Variants in KIT observed in about 807,000 individuals in gnomAD.
The protein encoded by KIT is KIT proto-oncogene, receptor tyrosine kinase, also known as mast/stem cell growth factor receptor Kit.
Under a neutral mutation model 105.7 loss-of-function variants are expected in KIT, and 16 were observed. That is an observed-to-expected ratio of 0.15 (90% CI 0.10 to 0.23). KIT has a LOEUF of 0.23. KIT is among the 10% of genes least tolerant of loss of function. The pLI is 1.00. For synonymous variants in KIT, 438 were observed against 441.1 expected, an observed-to-expected ratio of 0.99 and a Z score of 0.09; for missense variants, 858 against 1,213.8, an observed-to-expected ratio of 0.71 and a Z score of 4.36.
intron 1 of KIT, among the ~76,000 whole-genome samples, chr4:54,678,349 C>A (rs1237014422): frequency 2.3e-5 from 2 of 88,570 alleles, no homozygotes; most frequent in Non-Finnish European, 4.4e-5. Flanking sequence ...TCCTTCCTTC[C>A]TTCCCTCCCT....
chr4:54,698,681 TCCCCCAGCTTC>T, intron 3 of KIT, 116 bp downstream of exon 3: 1 of 1,140,418 alleles, frequency 8.8e-7, no homozygotes, highest in Non-Finnish European at 1.3e-6. Context: ...TGTTCATAGT[TCCCCCAGCTTC>T]AAAAAATGTC....
rs1560366372 is a variant in KIT at position 54,657,959 on chromosome 4, A to G, written c.-56A>G. On this transcript the variant is annotated 5_prime_UTR_variant, in exon 1 of 21. Coordinates refer to ENST00000288135, the MANE Select transcript of KIT (RefSeq NM_000222.3). ...GGCTCGGCTTTGCCGCGCTCGCTGC[A>G]CTTGGGCGAGAGCTGGAACGTGGAC... 1.8e-5 allele frequency: 29 copies of G among 1,573,746 alleles called. No homozygotes were observed. Among genetic ancestry groups the G allele is most frequent in the Non-Finnish European group, 2.5e-5 (29 of 1,146,824 alleles).
At chr4:54,708,718 T>C (rs1309274106) in intron 6 of KIT, among the ~76,000 whole-genome samples, 1 of 151,850 alleles carries the variant, frequency 6.6e-6, no homozygotes, top group Non-Finnish European at 1.5e-5. Context: ...AGTGTGAGAG[T>C]TGGCACACCG....
At chr4:54,707,819 G>GTATTCACCCACTGACCTGAAGCCTC (rs1720889399) in intron 6 of KIT, among the ~76,000 whole-genome samples, 1 of 152,164 alleles carries the variant, frequency 6.6e-6, no homozygotes, top group Non-Finnish European at 1.5e-5. Context: ...TACTTTACGT[G>GTATTCACCCACTGACCTGAAGCCTC]TATTCACCCA....
intron 4 of KIT, among the ~76,000 whole-genome samples, chr4:54,701,017 G>A (rs1428565332): frequency 1.3e-5 from 2 of 152,216 alleles, no homozygotes; most frequent in South Asian, 2.1e-4. Flanking sequence ...GATTTCAGAT[G>A]AGAGAACAAT....
chr4:54,699,478 A>T lies in KIT; in HGVS notation c.620-152A>T, dbSNP rs1720306252. The T allele has an allele frequency of 1.4e-5, 11 of 777,522 alleles. No individual in the cohort carries two copies. The South Asian group carries it at 1.5e-4, about 11-fold the overall frequency. 48.2% of individuals were successfully genotyped at this position (777,522 alleles called of 1,614,324 possible). On this transcript the variant is annotated intron_variant, in intron 3 of 20. Coordinates refer to ENST00000288135, the MANE Select transcript of KIT (RefSeq NM_000222.3). ...TTGATTTAATTGCTGGTACCTTCAG[A>T]TATGCAAGTAGTACAGATAGGTTAG...
At chr4:54,674,489 CTG>C (rs146809156) in intron 1 of KIT, among the ~76,000 whole-genome samples, 2,006 of 152,238 alleles carry the variant, frequency 0.013, 44 homozygotes, top group African/African-American at 0.046. Context: ...AGTCTGCTCT[CTG>C]TCAGTTTTTA....
rs1560424620 is a variant in KIT, at chr4:54,736,541, A to G, written c.2528A>G (p.Asn843Ser). Residue 843 changes from asparagine to serine, a missense_variant, in exon 18 of 21, where the codon AAC (asparagine) becomes AGC (serine). This residue lies in a region of KIT where 63 missense variants were observed against 137.4 expected (regional missense o/e 0.46). Coordinates refer to ENST00000288135, the MANE Select transcript of KIT (RefSeq NM_000222.3). Reference sequence around the variant, plus strand: ...TGGATGGCACCTGAAAGCATTTTCAACTGTGTATACACGTTTGAAAGTGAC... The same window carrying G: ...TGGATGGCACCTGAAAGCATTTTCAGCTGTGTATACACGTTTGAAAGTGAC... ...VKWMAPESIF[N>S]CVYTFESDVW... The G allele has an allele frequency of 6.2e-7, 1 of 1,614,146 alleles. No individual in the cohort carries two copies. The highest frequency in any genetic ancestry group is 8.5e-7 in the Non-Finnish European group (1 of 1,179,974).
chr4:54,658,194 C>G, intron 1 of KIT, 113 bp downstream of exon 1: 1 of 1,058,282 alleles, frequency 9.4e-7, no homozygotes, highest in Non-Finnish European at 1.4e-6. Context: ...CCCTCAGTGC[C>G]CGTGCGTTCC....
At chr4:54,694,623 T>A (rs1367940304) in intron 1 of KIT, among the ~76,000 whole-genome samples, 1 of 152,138 alleles carries the variant, frequency 6.6e-6, no homozygotes. Flanking sequence ...CAAGCAATCT[T>A]CCCACCTCAG....
chr4:54,727,706 A>G, intron 11 of KIT, 117 bp from the exon 12 acceptor site: 1 of 1,279,760 alleles, frequency 7.8e-7, no homozygotes, highest in Non-Finnish European at 1.1e-6. Flanking sequence ...ATCGTAGGAA[A>G]ATGTCTCTGG....
rs2109792602 is a variant in KIT, at chr4:54,731,387, C to G, written c.2201C>G (p.Thr734Ser). The change falls in exon 15 of 21, where the codon ACC (threonine) becomes AGC (serine). Residue 734 changes from threonine to serine, a missense_variant. Coordinates refer to ENST00000288135, the MANE Select transcript of KIT (RefSeq NM_000222.3). ...CCTGGAGTTTCTTATGTTGTCCCAA[C>G]CAAGGCCGACAAAAGGAGATCTGTG... ...MKPGVSYVVPTKADKRRSVRI... is the reference protein window; with the variant it reads ...MKPGVSYVVPSKADKRRSVRI... 1 of 1,613,256 alleles carries G rather than the reference C, an allele frequency of 6.2e-7. No individual in the cohort carries two copies. Among genetic ancestry groups the G allele is most frequent in the Non-Finnish European group, 8.5e-7 (1 of 1,179,360 alleles).
chr4:54,665,257 T>C (rs116815311), intron 1 of KIT, among the ~76,000 whole-genome samples: 451 of 152,354 alleles, frequency 3.0e-3, no homozygotes, highest in Middle Eastern at 0.01. Flanking sequence ...CCATTGTATG[T>C]ATAGACCACA....
At chr4:54,684,166 GGTGT>G (rs1719143767) in intron 1 of KIT, among the ~76,000 whole-genome samples, 1 of 144,398 alleles carries the variant, frequency 6.9e-6, no homozygotes. Flanking sequence ...CCCACACAGA[GGTGT>G]GTGGGTGGGG....
At chr4:54,691,322 G>T (rs1456492047) in intron 1 of KIT, among the ~76,000 whole-genome samples, 1 of 152,182 alleles carries the variant, frequency 6.6e-6, no homozygotes, top group Admixed American at 6.5e-5. Flanking sequence ...AGGAGATATG[G>T]ACACAGTTGA....
At chr4:54,720,711 A>T (rs1304337581) in intron 7 of KIT, among the ~76,000 whole-genome samples, 2 of 152,182 alleles carry the variant, frequency 1.3e-5, no homozygotes, top group Admixed American at 6.5e-5. Flanking sequence ...TTCACTAAGA[A>T]TTTACCATGT....
rs2109776822 is a variant in KIT at position 54,727,484 on chromosome 4, C to A, written c.1716C>A (p.Asp572Glu). ...ATGGAAACAATTATGTTTACATAGA[C>A]CCAACACAACTTCCTTATGATCACA... ...EINGNNYVYI[D>E]PTQLPYDHKW... Residue 572 changes from aspartate (D) to glutamate (E), a missense_variant, in exon 11 of 21, where the codon GAC becomes GAA. Transcript: ENST00000288135. The A allele has an allele frequency of 6.2e-7, 1 of 1,614,018 alleles. No individual in the cohort carries two copies. The highest frequency in any genetic ancestry group is 8.5e-7 in the Non-Finnish European group (1 of 1,179,954).
chr4:54,738,712 T>C lies in KIT; in HGVS notation c.*155T>C. 1.1e-6 allele frequency: 1 copy of C among 931,712 alleles called. No homozygotes were observed. The highest frequency in any genetic ancestry group is 1.8e-5 in the Admixed American group (1 of 55,992). The allele number at this position is 931,712 out of a possible 1,614,324, so 57.7% of individuals were successfully genotyped here. ...CTGAGCACACTTTAGTGGCCGATGA[T>C]TTTTGTCATCAGCCACCATCCTATT... On this transcript the variant is annotated 3_prime_UTR_variant, in exon 21 of 21. Coordinates refer to ENST00000288135, the MANE Select transcript of KIT (RefSeq NM_000222.3).
chr4:54,696,386 A>G (rs577350984), intron 2 of KIT, among the ~76,000 whole-genome samples: 1 of 152,294 alleles, frequency 6.6e-6, no homozygotes, highest in South Asian at 2.1e-4. Flanking sequence ...TGTGATTTTA[A>G]TAGCCTTTTC....
Sources: allele counts gnomAD v4.1 joint callset (sites outside exome capture counted in the v4.1 genomes callset), GRCh38; gene constraint gnomAD v4.1.1; regional missense constraint gnomAD v4.1.1; transcripts MANE v1.5; gene names NCBI Gene and HGNC (gene_info 2026-07-23, HGNC 2026-07-21).